FLNA: variants seen among roughly 807,000 people sequenced by gnomAD.
The protein encoded by FLNA is filamin A.
Under a neutral mutation model 157.6 loss-of-function variants are expected in FLNA, and 7 were observed. The ratio of observed to expected loss-of-function variants is 0.04; its 90% confidence interval spans 0.03 to 0.08. FLNA has a LOEUF of 0.08. Among genes scored for constraint, FLNA ranks in the 10% least tolerant of loss-of-function variants. The pLI is 1.00. For missense variants in FLNA, 1,750 were observed against 2,398.4 expected (o/e 0.73, Z 5.65); for synonymous variants, 1,103 against 1,060.8 (o/e 1.04, Z -0.77).
At position 154,366,766 on chromosome X, in the gene FLNA, A is replaced by G; in HGVS notation, c.953T>C (p.Val318Ala). Residue 318 changes from valine (V) to alanine (A), a missense_variant, in exon 6 of 48, where the codon GTG becomes GCG. Coordinates refer to ENST00000369850, the MANE Select transcript of FLNA (RefSeq NM_001110556.2). ...TRSAGQGEVLVYVEDPAGHQE... is the reference protein window; with the variant it reads ...TRSAGQGEVLAYVEDPAGHQE... The stretch of plus-strand genomic sequence containing the variant: ...GTGTCCGGCCGGGTCCTCCACGTAC[A>G]CCAGCACCTCTCCCTGGCCAGCACT... The G allele has an allele frequency of 8.3e-7, 1 of 1,211,017 alleles. No individual in the cohort carries two copies. Among genetic ancestry groups the G allele is most frequent in the Non-Finnish European group, 1.1e-6 (1 of 894,957 alleles).
In FLNA at chrX:154,361,290, C is replaced by T. The variant is rs376459013; in HGVS notation, c.3207+18G>A. The T allele has an allele frequency of 1.8e-5, 22 of 1,205,345 alleles. No individual in the cohort carries two copies. Among genetic ancestry groups the T allele is most frequent in the Admixed American group, 1.1e-4 (5 of 45,462 alleles). ...GCACAGTGGGTTCTACCCTTAGGGC[C>T]TCCCATACCCCAATTACCTTGCTAG... is the stretch of plus-strand genomic sequence containing the variant. On this transcript the variant is annotated intron_variant, in intron 21 of 47. Coordinates refer to ENST00000369850, the MANE Select transcript of FLNA (RefSeq NM_001110556.2).
chrX:154,370,870 C>G lies in FLNA; in HGVS notation c.373+3G>C. The G allele has an allele frequency of 8.3e-7, 1 of 1,209,986 alleles. No individual in the cohort carries two copies. The highest frequency in any genetic ancestry group is 1.1e-6 in the Non-Finnish European group (1 of 894,739). The stretch of plus-strand genomic sequence containing the variant: ...CCGCCCGGCGCTTCGGGGCGTCCCT[C>G]ACCGATGGACACCAGTTTGATGCTC... On this transcript the variant is annotated splice_donor_region_variant and intron_variant, in intron 2 of 47. Transcript: ENST00000369850.
At chrX:154,352,956 T>C (rs1557176083) in intron 38 of FLNA, 32 bp from the exon 39 acceptor site, 1 of 1,211,054 alleles carries the variant, frequency 8.3e-7, no homozygotes, top group Admixed American at 2.2e-5. Flanking sequence ...GCCTCGGTGC[T>C]ATGCACAGTG....
chrX:154,353,894 A>G (rs1557176306), intron 35 of FLNA, 21 bp downstream of exon 35: 7 of 1,211,736 alleles, frequency 5.8e-6, no homozygotes, highest in Non-Finnish European at 7.8e-6. Context: ...AGAGCAGGTC[A>G]AGACCAGAGC....
chrX:154,364,982 G>A (rs782012775), intron 11 of FLNA, 25 bp from the exon 12 acceptor site: 4 of 1,210,654 alleles, frequency 3.3e-6, no homozygotes, highest in African/African-American at 1.7e-5. Context: ...GCCACACAGG[G>A]AACACCGAGG....
At chrX:154,361,221 G>A (rs2067708697) in intron 21 of FLNA, 87 bp downstream of exon 21, 5 of 888,357 alleles carry the variant, frequency 5.6e-6, no homozygotes, top group Non-Finnish European at 6.4e-6. Flanking sequence ...AAAGGATTTA[G>A]GGCAGGTCTG....
chrX:154,348,873 G>A lies in FLNA; in HGVS notation c.7920C>T (p.Ser2640=), dbSNP rs1557175107. ...CTCAGGGCACCACAACGCGGTAGGG[G>A]CTGCCTGGGATGTGCTCGTCCCCCC... ...VKWGDEHIPG[S]PYRVVVP Residue 2640 remains serine (S), a synonymous_variant, in exon 48 of 48, where the codon AGC becomes AGT. Transcript: ENST00000369850. 8.3e-7 allele frequency: 1 copy of A among 1,209,891 alleles called. No individual in the cohort carries two copies. The highest frequency in any genetic ancestry group is 1.1e-6 in the Non-Finnish European group (1 of 894,357).
Position 154,371,365 on chromosome X carries a change from C to A in FLNA, c.-116-4G>T. ...GAGGCAGGGAGCAGAGGTTGCGCTG[C>A]GGAGAGAGCGAGCCCTTTAAATGCG... On this transcript the variant is annotated splice_region_variant and splice_polypyrimidine_tract_variant and intron_variant, in intron 1 of 47. Transcript: ENST00000369850. The A allele has an allele frequency of 1.1e-6, 1 of 882,201 alleles. No homozygotes were observed. Among genetic ancestry groups the A allele is most frequent in the Non-Finnish European group, 1.5e-6 (1 of 653,475 alleles). 72.7% of individuals were successfully genotyped at this position (882,201 alleles called of 1,213,427 possible).
At position 154,363,623 on chromosome X, in the gene FLNA, C is replaced by G. The variant is rs782807634; in HGVS notation, c.2280+399G>C. On this transcript the variant is annotated intron_variant, in intron 15 of 47. Coordinates refer to ENST00000369850, the MANE Select transcript of FLNA (RefSeq NM_001110556.2). ...AGCTACCCGGGAGGCTGAGGCAAGACAATGGTGTGAACCTGGGAGAAAGAG... is the reference window on the plus strand; with the variant it reads ...AGCTACCCGGGAGGCTGAGGCAAGAGAATGGTGTGAACCTGGGAGAAAGAG... 1.1e-4 allele frequency among the ~76,000 whole-genome samples: 12 copies of G among 108,751 alleles called. No homozygotes were observed. Among genetic ancestry groups the G allele is most frequent in the East Asian group, 2.9e-4 (1 of 3,461 alleles). The allele number at this position is 108,751 out of a possible 115,157, so 94.4% of individuals were successfully genotyped here.
rs1335043207 is a variant in FLNA, at chrX:154,364,781, C to T, written c.1828+40G>A. ...CCTCAGGGTGGGCCGTCCTTGCCATCGTCTGTCCCCAGGTGCCCATGCTGC... is the reference window on the plus strand; with the variant it reads ...CCTCAGGGTGGGCCGTCCTTGCCATTGTCTGTCCCCAGGTGCCCATGCTGC... On this transcript the variant is annotated intron_variant, in intron 12 of 47. Coordinates refer to ENST00000369850, the MANE Select transcript of FLNA (RefSeq NM_001110556.2). 20 of 1,207,927 alleles carry T rather than the reference C, an allele frequency of 1.7e-5. 1 individual carries two copies. The East Asian group carries it at 4.1e-4, about 25-fold the overall frequency.
chrX:154,352,517 C>G (rs782768281), intron 40 of FLNA, 36 bp downstream of exon 40: 4 of 1,211,491 alleles, frequency 3.3e-6, no homozygotes, highest in Non-Finnish European at 3.4e-6. Context: ...CTGCTTGAGC[C>G]CCAGGACCCC....
At chrX:154,361,280 C>T (rs2067709242) in intron 21 of FLNA, 28 bp downstream of exon 21, 1 of 1,205,863 alleles carries the variant, frequency 8.3e-7, no homozygotes, top group Admixed American at 2.2e-5. Context: ...GTGGGTTCTA[C>T]CCTTAGGGCC....
Position 154,353,288 on chromosome X carries a change from C to G in FLNA, c.6022+8G>C. 1 of 1,211,832 alleles carries G rather than the reference C, an allele frequency of 8.3e-7. No homozygotes were observed. Among genetic ancestry groups the G allele is most frequent in the Non-Finnish European group, 1.1e-6 (1 of 895,577 alleles). ...TTTCTGAACCCCCTGGACCCTTCAG[C>G]CGCTTACCCACGTGGCCATTACGCA... On this transcript the variant is annotated splice_region_variant and intron_variant, in intron 37 of 47. Coordinates refer to ENST00000369850, the MANE Select transcript of FLNA (RefSeq NM_001110556.2).
At chrX:154,355,767 G>C (rs1292618590) in intron 30 of FLNA, among the ~76,000 whole-genome samples, 1 of 113,051 alleles carries the variant, frequency 8.8e-6, no homozygotes, top group Non-Finnish European at 1.9e-5. Context: ...TGCGAGGGCA[G>C]AGCAGCTGAG....
rs781961938 is a variant in FLNA, at chrX:154,361,623, C to A, written c.2944+47G>T. 4.1e-6 allele frequency: 5 copies of A among 1,206,177 alleles called. No homozygotes were observed. The African/African-American group carries it at 8.8e-5, about 21-fold the overall frequency. ...AGACATGACACCCAGCTCAGCCAAT[C>A]CCTGGATGTGACAAAGGCCTTTGCG... On this transcript the variant is annotated intron_variant, in intron 20 of 47. Transcript: ENST00000369850.
At chrX:154,365,043 G>A (rs1304058151) in intron 11 of FLNA, 86 bp from the exon 12 acceptor site, 22 of 1,199,128 alleles carry the variant, frequency 1.8e-5, no homozygotes, top group Non-Finnish European at 2.4e-5. Flanking sequence ...GGCAGGAAGA[G>A]CCCATGTGGC....
intron 5 of FLNA, 29 bp from the exon 6 acceptor site, chrX:154,366,879 G>A (rs782806690): frequency 3.6e-6 from 4 of 1,125,829 alleles, no homozygotes; most frequent in Admixed American, 2.2e-5. Flanking sequence ...CCAACCACGG[G>A]CCAGCTGTTA....
Position 154,354,677 on chromosome X carries a change from G to A in FLNA, c.5252C>T (p.Pro1751Leu), listed in dbSNP as rs374501630. The A allele has an allele frequency of 1.7e-6, 2 of 1,206,838 alleles. No homozygotes were observed. Among genetic ancestry groups the A allele is most frequent in the Non-Finnish European group, 2.2e-6 (2 of 893,494 alleles). The change falls in exon 32 of 48, where the codon CCT becomes CTT. Residue 1751 changes from proline (P) to leucine (L), a missense_variant. This residue lies in a region of FLNA where 970 missense variants were observed against 1,302.6 expected (regional missense o/e 0.74). Transcript: ENST00000369850. ...TGGGGCCAGCTGCTGAGACCGTAGA[G>A]GGGGCTGCACCGAGGGCTGGTCCCC... ...LAGDQPSVQP[P>L]LRSQQLAPQY... is the part of the protein sequence containing the mutation.
In FLNA at chrX:154,349,000, C is replaced by T. The variant is rs1557175190; in HGVS notation, c.7793G>A (p.Arg2598Lys). 8.3e-7 allele frequency: 1 copy of T among 1,211,354 alleles called. No individual in the cohort carries two copies. The change falls in exon 48 of 48, where the codon AGG becomes AAG. Residue 2598 changes from arginine to lysine, a missense_variant. Arg to Lys is a conservative substitution (Grantham distance 26). Coordinates refer to ENST00000369850, the MANE Select transcript of FLNA (RefSeq NM_001110556.2). ...CACCAGGATCTCCTCGCAGGGGGTC[C>T]TTGGGCCATGAACCCCCACCAGCAG... is the stretch of plus-strand genomic sequence containing the variant. The part of the protein sequence containing the change: ...NMLLVGVHGP[R>K]TPCEEILVKH...
Sources: allele counts gnomAD v4.1 joint callset (sites outside exome capture counted in the v4.1 genomes callset), GRCh38; gene constraint gnomAD v4.1.1; regional missense constraint gnomAD v4.1.1; transcripts MANE v1.5; gene names NCBI Gene and HGNC (gene_info 2026-07-23, HGNC 2026-07-21).